The following PREX2 variants were observed in gnomAD, a reference collection of about 807,000 sequenced individuals.
PREX2 encodes the protein phosphatidylinositol 3,4,5-trisphosphate-dependent Rac exchanger 2 protein.
In PREX2, 107 loss-of-function variants were observed where a neutral mutation model predicts 203.2. That is an observed-to-expected ratio of 0.53 (90% confidence interval 0.45 to 0.62). The LOEUF is 0.62. Ranked by LOEUF, PREX2 falls within the 20% of genes least tolerant of loss-of-function variation. PREX2 has a pLI of 0.00. For missense variants in PREX2, 1,777 were observed against 1,955.9 expected (o/e 0.91, Z 1.72); for synonymous variants, 672 against 663.6 (o/e 1.01, Z -0.19).
rs148701961 is a variant in PREX2 at position 67,961,720 on chromosome 8, A to T, written c.141+9185A>T. On this transcript the variant is annotated intron_variant, in intron 1 of 39. Coordinates refer to ENST00000288368, the MANE Select transcript of PREX2 (RefSeq NM_024870.4). ...GAAATTTTAAGAAAATGATATGTTA[A>T]TTTGAAGTTATGATTTTTAAGCACT... Among the ~76,000 whole-genome samples, 1,195 of 152,304 alleles carry T rather than the reference A, an allele frequency of 7.8e-3. 17 individuals are homozygous for T. The highest frequency in any genetic ancestry group is 0.026 in the African/African-American group (1,079 of 41,570).
At chr8:68,186,454 A>G (rs1187523439) in intron 35 of PREX2, among the ~76,000 whole-genome samples, 2 of 152,216 alleles carry the variant, frequency 1.3e-5, no homozygotes, top group Non-Finnish European at 2.9e-5. Flanking sequence ...ATGTGTAAAA[A>G]AAGCTTAAGA....
At chr8:68,045,306 A>G (rs900095324) in intron 8 of PREX2, among the ~76,000 whole-genome samples, 9 of 152,162 alleles carry the variant, frequency 5.9e-5, no homozygotes, top group Admixed American at 1.3e-4. Context: ...TAGAATTTAA[A>G]AAATATGCTT....
At chr8:68,164,379 T>C (rs200040419) in intron 35 of PREX2, among the ~76,000 whole-genome samples, 2 of 151,130 alleles carry the variant, frequency 1.3e-5, no homozygotes, top group Non-Finnish European at 2.9e-5. Context: ...CACACACACA[T>C]ATATATACAC....
At chr8:68,228,816 A>G (rs10957425) in intron 39 of PREX2, among the ~76,000 whole-genome samples, 55,375 of 150,698 alleles carry the variant, frequency 0.37, 11,288 homozygotes, top group East Asian at 0.85. Flanking sequence ...CCGGGCTGTC[A>G]GCCTGTGGTC....
At chr8:68,010,238 A>G (rs192245528) in intron 1 of PREX2, among the ~76,000 whole-genome samples, 3 of 152,348 alleles carry the variant, frequency 2.0e-5, no homozygotes, top group Non-Finnish European at 4.4e-5. Flanking sequence ...TGAGCAGAAA[A>G]GATCCACTAC....
chr8:67,994,483 G>A (rs1806707387), intron 1 of PREX2, among the ~76,000 whole-genome samples: 1 of 152,122 alleles, frequency 6.6e-6, no homozygotes, highest in African/African-American at 2.4e-5. Context: ...CAACTGTTTT[G>A]TTAAATCTTA....
chr8:68,164,220 G>T (rs1811709809), intron 35 of PREX2, among the ~76,000 whole-genome samples: 1 of 152,024 alleles, frequency 6.6e-6, no homozygotes, highest in African/African-American at 2.4e-5. Flanking sequence ...GTAAACAATA[G>T]AACAATTTTT....
chr8:68,189,730 CA>C (rs1812256704), intron 35 of PREX2, among the ~76,000 whole-genome samples: 1 of 152,156 alleles, frequency 6.6e-6, no homozygotes, highest in Non-Finnish European at 1.5e-5. Context: ...CTGTAGCCCC[CA>C]CACTCCCATC....
chr8:68,096,401 T>C (rs1810074591), intron 21 of PREX2, among the ~76,000 whole-genome samples: 1 of 152,188 alleles, frequency 6.6e-6, no homozygotes, highest in African/African-American at 2.4e-5. Flanking sequence ...AGGAGTTTCT[T>C]ACTTGAGATT....
intron 4 of PREX2, among the ~76,000 whole-genome samples, chr8:68,025,219 C>T (rs1017519462): frequency 4.0e-5 from 6 of 151,448 alleles, no homozygotes; most frequent in East Asian, 1.9e-4. Context: ...TTTAAATCTG[C>T]GAATGTCTTT....
chr8:68,100,103 T>C (rs777332640), intron 23 of PREX2: 1 of 583,002 alleles, frequency 1.7e-6, no homozygotes, highest in Non-Finnish European at 3.3e-6. Flanking sequence ...AATTATTTTC[T>C]AGTAAAAGAT....
chr8:68,215,146 C>T (rs529010397), intron 37 of PREX2, among the ~76,000 whole-genome samples: 1 of 152,188 alleles, frequency 6.6e-6, no homozygotes, highest in African/African-American at 2.4e-5. Context: ...AAATCTCTGG[C>T]GGGTAATTTG....
At chr8:68,204,354 A>AT (rs2129614953) in intron 37 of PREX2, among the ~76,000 whole-genome samples, 1 of 152,284 alleles carries the variant, frequency 6.6e-6, no homozygotes, top group East Asian at 1.9e-4. Flanking sequence ...TTGGCAGTTG[A>AT]TTTTTAAGCT....
intron 34 of PREX2, among the ~76,000 whole-genome samples, chr8:68,150,968 A>T (rs1024193097): frequency 1.3e-5 from 2 of 151,884 alleles, no homozygotes; most frequent in Admixed American, 1.3e-4. Flanking sequence ...CTCTGCCCCT[A>T]TCCTCACACG....
chr8:68,142,763 G>A (rs115159353), intron 33 of PREX2, among the ~76,000 whole-genome samples: 46 of 152,180 alleles, frequency 3.0e-4, no homozygotes, highest in African/African-American at 1.1e-3. Flanking sequence ...GGCATAAATG[G>A]GCAATTTAAC....
intron 14 of PREX2, among the ~76,000 whole-genome samples, chr8:68,073,918 T>A (rs1809271837): frequency 6.6e-6 from 1 of 152,134 alleles, no homozygotes; most frequent in Admixed American, 6.5e-5. Context: ...GCACTTTTAC[T>A]TTCCAAGGGT....
chr8:67,996,878 A>C (rs1806782940), intron 1 of PREX2, among the ~76,000 whole-genome samples: 1 of 152,208 alleles, frequency 6.6e-6, no homozygotes, highest in Admixed American at 6.5e-5. Context: ...GGTTCTGGCA[A>C]CATAGTTAAA....
In PREX2 at chr8:68,083,313, A is replaced by T; in HGVS notation, c.1952A>T (p.Glu651Val). The change falls in exon 18 of 40, where the codon GAA becomes GTA. Residue 651 changes from glutamate (E) to valine (V), a missense_variant. Glu to Val is a moderately radical substitution (Grantham distance 121). Transcript: ENST00000288368. ...GDLVFMRPFN[E>V]VDCFLKSCLN... Reference sequence around the variant, plus strand: ...CTAGTTTTTATGAGACCTTTCAATGAAGTGGATTGCTTCCTGAAATCGTGT... The same window carrying T: ...CTAGTTTTTATGAGACCTTTCAATGTAGTGGATTGCTTCCTGAAATCGTGT... 6.2e-7 allele frequency: 1 copy of T among 1,611,210 alleles called. No individual in the cohort carries two copies. Among genetic ancestry groups the T allele is most frequent in the Non-Finnish European group, 8.5e-7 (1 of 1,177,920 alleles).
chr8:67,962,188 T>TATAG (rs1334982839), intron 1 of PREX2, among the ~76,000 whole-genome samples: 1 of 152,364 alleles, frequency 6.6e-6, no homozygotes, highest in African/African-American at 2.4e-5. Flanking sequence ...GGAGAGGCTT[T>TATAG]ATAGATGGTG....
Sources: allele counts gnomAD v4.1 joint callset (sites outside exome capture counted in the v4.1 genomes callset), GRCh38; gene constraint gnomAD v4.1.1; transcripts MANE v1.5; gene names NCBI Gene and HGNC (gene_info 2026-07-23, HGNC 2026-07-21).